The following SELP variants were observed in gnomAD, a reference collection of about 807,000 sequenced individuals.
SELP encodes the protein P-selectin.
Under a neutral mutation model 104.1 loss-of-function variants are expected in SELP, and 92 were observed. That is an observed-to-expected ratio of 0.88 (90% CI 0.75 to 1.05). The LOEUF (loss-of-function observed/expected upper bound fraction) is 1.05, where lower values mean the gene tolerates loss of function less well. Ranked by LOEUF, SELP falls within the 50% of genes least tolerant of loss-of-function variation. The pLI is 0.00. For synonymous variants in SELP, 397 were observed against 364.5 expected (o/e 1.09, Z -1.01); for missense variants, 1,022 against 1,017.3 (o/e 1.00, Z -0.06).
intron 8 of SELP, among the ~76,000 whole-genome samples, chr1:169,607,678 G>A (rs945659429): frequency 9.2e-5 from 14 of 152,030 alleles, no homozygotes; most frequent in African/African-American, 3.4e-4. Context: ...AACCATATAC[G>A]AAGAGAGCAC....
intron 9 of SELP, among the ~76,000 whole-genome samples, chr1:169,605,280 G>C (rs964399558): frequency 6.6e-5 from 10 of 152,166 alleles, no homozygotes; most frequent in African/African-American, 1.9e-4. Context: ...GCACTTAAGG[G>C]GCAAGGTCAC....
At chr1:169,605,473 T>G (rs554084331) in intron 9 of SELP, among the ~76,000 whole-genome samples, 1 of 146,456 alleles carries the variant, frequency 6.8e-6, no homozygotes. Flanking sequence ...AGCTTAACAA[T>G]GGGGTGTGTG....
intron 1 of SELP, among the ~76,000 whole-genome samples, chr1:169,623,005 T>G (rs1044974722): frequency 2.6e-5 from 4 of 152,250 alleles, no homozygotes; most frequent in Non-Finnish European, 5.9e-5. Flanking sequence ...AAATCCAATC[T>G]TCTTTTGCTT....
At chr1:169,598,378 T>C (rs1442868022) in intron 10 of SELP, among the ~76,000 whole-genome samples, 1 of 152,188 alleles carries the variant, frequency 6.6e-6, no homozygotes, top group African/African-American at 2.4e-5. Context: ...TCAAGACCTA[T>C]ATGCTCCCTC....
rs3917718 is a variant in SELP, at chr1:169,613,640, C to T, written c.535G>A (p.Gly179Arg). 1,116 of 1,614,000 alleles carry T rather than the reference C, an allele frequency of 6.9e-4. 6 individuals carry two copies. In the African/African-American group the frequency reaches 0.012, roughly 18 times the overall value. The change falls in exon 4 of 17, where the codon GGG (glycine) becomes AGG (arginine). Residue 179 changes from glycine to arginine, a missense_variant. By Grantham distance (125) the Gly-to-Arg change is moderately radical (BLOSUM62 -2). Transcript: ENST00000263686. ...GGGTAACAGGAGCAGGTGTAGTTCC[C>T]GATGGTCTCGAGGCACTCTCCTTGT... is the stretch of plus-strand genomic sequence containing the variant. ...SKQGECLETI[G>R]NYTCSCYPGF...
At chr1:169,607,281 T>G (rs956178742) in intron 8 of SELP, 147 bp from the exon 9 acceptor site, 1 of 581,368 alleles carries the variant, frequency 1.7e-6, no homozygotes, top group African/African-American at 1.9e-5. Flanking sequence ...GTCATTTAAT[T>G]ATAACGGCAC....
At chr1:169,627,809 AG>A (rs2101938630) in intron 1 of SELP, among the ~76,000 whole-genome samples, 1 of 152,372 alleles carries the variant, frequency 6.6e-6, no homozygotes, top group South Asian at 2.1e-4. Flanking sequence ...GGTAATGAAA[AG>A]AAGAGTAAGG....
rs1270231467 is a variant in SELP, at chr1:169,619,188, C to T, written c.35G>A (p.Arg12Lys). The change falls in exon 2 of 17, where the codon AGA becomes AAA. Residue 12 changes from arginine to lysine, a missense_variant. Arg to Lys is a conservative substitution (Grantham distance 26). Coordinates refer to ENST00000263686, the MANE Select transcript of SELP (RefSeq NM_003005.4). Reference protein sequence around the residue: ...ANCQIAILYQRFQRVVFGISQ... With the variant: ...ANCQIAILYQKFQRVVFGISQ... ...AATTCCAAAGACCACTCTCTGGAAT[C>T]TCTGGTACAAGATGGCTATTTGGCA... 6.2e-7 allele frequency: 1 copy of T among 1,614,054 alleles called. No individual in the cohort carries two copies. The highest frequency in any genetic ancestry group is 8.5e-7 in the Non-Finnish European group (1 of 1,179,916).
rs3917861 is a variant in SELP, at chr1:169,624,442, C to G, written c.4-5223G>C. On this transcript the variant is annotated intron_variant, in intron 1 of 16. Transcript: ENST00000263686. ...AGCCTTCATTAAGTACCATGATTAT[C>G]TTTAATTTTACTTTAATAAAGAACT... Among the ~76,000 whole-genome samples the G allele has an allele frequency of 5.7e-3, 874 of 152,254 alleles. 5 individuals carry two copies. Among genetic ancestry groups the G allele is most frequent in the Non-Finnish European group, 9.2e-3 (623 of 68,026 alleles).
In SELP at chr1:169,617,362, T is replaced by G. The variant is rs747938437; in HGVS notation, c.147A>C (p.Lys49Asn). 6.2e-7 allele frequency: 1 copy of G among 1,614,014 alleles called. No homozygotes were observed. Among genetic ancestry groups the G allele is most frequent in the Non-Finnish European group, 8.5e-7 (1 of 1,180,000 alleles). Residue 49 changes from lysine (K) to asparagine (N), a missense_variant, in exon 3 of 17, where the codon AAA becomes AAC. Physicochemically the swap from Lys to Asn is moderately conservative, Grantham distance 94. Coordinates refer to ENST00000263686, the MANE Select transcript of SELP (RefSeq NM_003005.4). ...TACGGGAAATATTCCATGAGTATGC[T>G]TTTGTGCTGTAATGATAAGTCCATG... The part of the protein sequence containing the change: ...VAAWTYHYST[K>N]AYSWNISRKY...
At position 169,619,232 on chromosome 1, in the gene SELP, G is replaced by A; in HGVS notation, c.4-13C>T. 2.5e-6 allele frequency: 4 copies of A among 1,606,904 alleles called. No homozygotes were observed. Among genetic ancestry groups the A allele is most frequent in the South Asian group, 1.1e-5 (1 of 90,796 alleles). The stretch of plus-strand genomic sequence containing the variant: ...TTTGGCAGTTGGCCTGAAACAAGAA[G>A]AGAAAACTTTCTTTTAGTATCCATA... On this transcript the variant is annotated splice_polypyrimidine_tract_variant and intron_variant, in intron 1 of 16. Transcript: ENST00000263686.
chr1:169,617,349 T>A lies in SELP; in HGVS notation c.160A>T (p.Asn54Tyr). The A allele has an allele frequency of 6.2e-7, 1 of 1,614,164 alleles. No individual in the cohort carries two copies. The highest frequency in any genetic ancestry group is 8.5e-7 in the Non-Finnish European group (1 of 1,180,022). Residue 54 changes from asparagine to tyrosine, a missense_variant, in exon 3 of 17, where the codon AAT (asparagine) becomes TAT (tyrosine). Transcript: ENST00000263686. Reference sequence around the variant, plus strand: ...TTCTGGCAGTATTTACGGGAAATATTCCATGAGTATGCTTTTGTGCTGTAA... The same window carrying A: ...TTCTGGCAGTATTTACGGGAAATATACCATGAGTATGCTTTTGTGCTGTAA... ...YHYSTKAYSW[N>Y]ISRKYCQNRY... is the part of the protein sequence containing the mutation.
rs1222649213 is a variant in SELP at position 169,605,164 on chromosome 1, T to TCAA, written c.1519+1782_1519+1784dup. On this transcript the variant is annotated intron_variant, in intron 9 of 16. Coordinates refer to ENST00000263686, the MANE Select transcript of SELP (RefSeq NM_003005.4). ...CCACCCAGGCTTGCCTGTAAGAGTT[T>TCAA]CAATCACTGTGATCACTGTCCTCAG... Among the ~76,000 whole-genome samples the TCAA allele has an allele frequency of 9.8e-5, 15 of 152,314 alleles. No homozygotes were observed. The East Asian group carries it at 2.7e-3, about 27-fold the overall frequency.
chr1:169,614,295 A>G lies in SELP; in HGVS notation c.482-602T>C, dbSNP rs368247585. 4.6e-5 allele frequency among the ~76,000 whole-genome samples: 7 copies of G among 151,998 alleles called. No homozygotes were observed. In the East Asian group the frequency reaches 7.7e-4, roughly 17 times the overall value. ...CAAATGAGATGTTTAAGACGTACTC[A>G]TGGTAAAGGACAAACAATCTTATGA... On this transcript the variant is annotated intron_variant, in intron 3 of 16. Coordinates refer to ENST00000263686, the MANE Select transcript of SELP (RefSeq NM_003005.4).
chr1:169,627,813 G>C (rs754147950), intron 1 of SELP, among the ~76,000 whole-genome samples: 29 of 152,208 alleles, frequency 1.9e-4, no homozygotes, highest in Non-Finnish European at 2.5e-4. Context: ...ATGAAAAGAA[G>C]AGTAAGGACT....
Position 169,607,006 on chromosome 1 carries a change from T to C in SELP, c.1462A>G (p.Ser488Gly). 6.2e-7 allele frequency: 1 copy of C among 1,613,824 alleles called. No homozygotes were observed. The highest frequency in any genetic ancestry group is 1.3e-5 in the African/African-American group (1 of 75,000). The change falls in exon 9 of 17, where the codon AGT becomes GGT. Residue 488 changes from serine to glycine, a missense_variant. Transcript: ENST00000263686. ...CNEGLLLVGA[S>G]VLQCLATGNW... ...CCAGTAGCCAAGCACTGTAGCACAC[T>C]TGCTCCCACCAGGAGCAAGCCTTCA...
chr1:169,623,411 T>A (rs901533250), intron 1 of SELP, among the ~76,000 whole-genome samples: 13 of 152,218 alleles, frequency 8.5e-5, no homozygotes, highest in African/African-American at 3.1e-4. Context: ...TTGTTTAAAC[T>A]TTTAAATAAG....
chr1:169,616,666 T>G (rs1206702803), intron 3 of SELP, among the ~76,000 whole-genome samples: 1 of 151,772 alleles, frequency 6.6e-6, no homozygotes, highest in Non-Finnish European at 1.5e-5. Flanking sequence ...GACACAGGGG[T>G]GAAAAAAAAG....
chr1:169,596,910 C>T, intron 11 of SELP, 81 bp downstream of exon 11: 25 of 1,259,358 alleles, frequency 2.0e-5, no homozygotes, highest in African/African-American at 4.7e-5. Flanking sequence ...ATCTAGTTCA[C>T]ATATAAGAAC....
Sources: allele counts gnomAD v4.1 joint callset (sites outside exome capture counted in the v4.1 genomes callset), GRCh38; gene constraint gnomAD v4.1.1; transcripts MANE v1.5; gene names NCBI Gene and HGNC (gene_info 2026-07-23, HGNC 2026-07-21).